The following AP1M1 variants were observed in gnomAD, a reference collection of about 807,000 sequenced individuals.
AP1M1 encodes adaptor related protein complex 1 subunit mu 1, also known as AP-1 complex subunit mu-1.
Under a neutral mutation model 57.1 loss-of-function variants are expected in AP1M1, and 18 were observed. The ratio of observed to expected loss-of-function variants is 0.32; its 90% confidence interval spans 0.22 to 0.47. The LOEUF (loss-of-function observed/expected upper bound fraction) is 0.47, where lower values mean the gene tolerates loss of function less well. AP1M1 is among the 20% of genes least tolerant of loss of function. The probability of loss-of-function intolerance (pLI) is 1.00; values close to 1 mark genes in which losing one functional copy is unlikely to be tolerated. For missense variants in AP1M1, 362 were observed against 593.5 expected, an observed-to-expected ratio of 0.61 and a Z score of 4.05; for synonymous variants, 241 against 237.9, an observed-to-expected ratio of 1.01 and a Z score of -0.12.
chr19:16,215,214 A>AGGGGGGGGGGGGGGGGGGGGGGGG (rs1262651842), intron 5 of AP1M1, among the ~76,000 whole-genome samples: 2 of 2,576 alleles, frequency 7.8e-4, no homozygotes, highest in Non-Finnish European at 1.7e-3. Flanking sequence ...GGGGGGGGAG[A>AGGGGGGGGGGGGGGGGGGGGGGGG]GGGGGGAGGG....
Position 16,234,501 on chromosome 19 carries a change from C to T in AP1M1, c.*66C>T, listed in dbSNP as rs535215936. ...TGGCAGCACCAGGGGACACACCTGC[C>T]AAACCCACCAGATGGAGGGGCCCTC... is the stretch of plus-strand genomic sequence containing the variant. On this transcript the variant is annotated 3_prime_UTR_variant, in exon 12 of 12. Coordinates refer to ENST00000291439, the MANE Select transcript of AP1M1 (RefSeq NM_032493.4). 3.1e-6 allele frequency: 5 copies of T among 1,600,494 alleles called. No individual in the cohort carries two copies. The highest frequency in any genetic ancestry group is 4.3e-6 in the Non-Finnish European group (5 of 1,172,286).
At chr19:16,216,735 C>G (rs187976496) in intron 5 of AP1M1, among the ~76,000 whole-genome samples, 1 of 152,316 alleles carries the variant, frequency 6.6e-6, no homozygotes, top group East Asian at 1.9e-4. Flanking sequence ...ACTGCATGCT[C>G]TAACTCTGGA....
rs116526824 is a variant in AP1M1 at position 16,235,118 on chromosome 19, G to C, written c.*683G>C. 6.6e-6 allele frequency: 1 copy of C among 152,402 alleles called. No homozygotes were observed. The highest frequency in any genetic ancestry group is 1.9e-4 in the East Asian group (1 of 5,176). The allele number at this position is 152,402 out of a possible 1,614,324, so 9.4% of individuals were successfully genotyped here. On this transcript the variant is annotated 3_prime_UTR_variant, in exon 12 of 12. Transcript: ENST00000291439. ...TGGACTCGCAGGCCTCGCCTGTGGCGCCTTCCCAGGGCCAGCCTGGGTCAC... is the reference window on the plus strand; with the variant it reads ...TGGACTCGCAGGCCTCGCCTGTGGCCCCTTCCCAGGGCCAGCCTGGGTCAC...
In AP1M1 at chr19:16,207,127, G is replaced by A. The variant is rs985887704; in HGVS notation, c.267+719G>A. Among the ~76,000 whole-genome samples, 13 of 152,194 alleles carry A rather than the reference G, an allele frequency of 8.5e-5. No homozygotes were observed. Among genetic ancestry groups the A allele is most frequent in the African/African-American group, 1.9e-4 (8 of 41,450 alleles). On this transcript the variant is annotated intron_variant, in intron 3 of 11. Transcript: ENST00000291439. This position sits in a 1 kb window ranked among gnomAD's most constrained non-coding sequence, Gnocchi z 4.2. Reference sequence around the variant, plus strand: ...GTGAGGAGGCTGCTGCTGGCTTCCCGGAGAGGATGGGCCTGGCCGAGGTGG... The same window carrying A: ...GTGAGGAGGCTGCTGCTGGCTTCCCAGAGAGGATGGGCCTGGCCGAGGTGG...
chr19:16,228,643 G>A lies in AP1M1; in HGVS notation c.889-127G>A. 1 of 1,010,490 alleles carries A rather than the reference G, an allele frequency of 9.9e-7. No individual in the cohort carries two copies. The highest frequency in any genetic ancestry group is 1.5e-6 in the Non-Finnish European group (1 of 685,366). The allele number at this position is 1,010,490 out of a possible 1,614,324, so 62.6% of individuals were successfully genotyped here. ...CAGGAGAAGGGGTGGGTAGTGCCTGGAGAAGTGGGGCCAGGGGCGGGGCTA... is the reference window on the plus strand; with the variant it reads ...CAGGAGAAGGGGTGGGTAGTGCCTGAAGAAGTGGGGCCAGGGGCGGGGCTA... On this transcript the variant is annotated intron_variant, in intron 8 of 11. Coordinates refer to ENST00000291439, the MANE Select transcript of AP1M1 (RefSeq NM_032493.4). The surrounding 1 kb of genome is among the most constrained non-coding windows in gnomAD (Gnocchi z 5.0).
At position 16,209,063 on chromosome 19, in the gene AP1M1, A is replaced by G. The variant is rs773057955; in HGVS notation, c.432A>G (p.Thr144=). The part of the protein sequence containing the change: ...YITQEGHKLE[T]GAPRPPATVT... ...CTCAGGAAGGCCACAAGCTGGAAACAGGGGCCCCGCGGCCACCAGCCACCG... is the reference window on the plus strand; with the variant it reads ...CTCAGGAAGGCCACAAGCTGGAAACGGGGGCCCCGCGGCCACCAGCCACCG... Residue 144 remains threonine, a synonymous_variant, in exon 5 of 12, where the codon ACA becomes ACG. Transcript: ENST00000291439. The G allele has an allele frequency of 4.3e-6, 7 of 1,613,946 alleles. No individual in the cohort carries two copies. In the East Asian group the frequency reaches 6.7e-5, roughly 15 times the overall value.
chr19:16,234,464 C>T lies in AP1M1; in HGVS notation c.*29C>T, dbSNP rs546425522. 2.0e-5 allele frequency: 33 copies of T among 1,613,042 alleles called. No homozygotes were observed. The South Asian group carries it at 2.6e-4, about 13-fold the overall frequency. ...GCTGTCGCAGCCAACACCCCGGCCT[C>T]GGGGCTCCTGGTGGCAGCACCAGGG... On this transcript the variant is annotated 3_prime_UTR_variant, in exon 12 of 12. Transcript: ENST00000291439.
At chr19:16,209,511 T>C (rs1187849103) in intron 5 of AP1M1, among the ~76,000 whole-genome samples, 1 of 152,204 alleles carries the variant, frequency 6.6e-6, no homozygotes, top group Non-Finnish European at 1.5e-5. Flanking sequence ...TTGTTTTCTT[T>C]ATTAGCATTT....
chr19:16,233,571 A>C lies in AP1M1; in HGVS notation c.1126A>C (p.Ile376Leu), dbSNP rs1568356706. The change falls in exon 10 of 12, where the codon ATC becomes CTC. Residue 376 changes from isoleucine to leucine, a missense_variant. Coordinates refer to ENST00000291439, the MANE Select transcript of AP1M1 (RefSeq NM_032493.4). ...CGAAGACAAGGAGGGCAAGCCCCCG[A>C]TCAGTGTCAAGTTCGAGATCCCTTA... is the stretch of plus-strand genomic sequence containing the variant. Reference protein sequence around the residue: ...EAEDKEGKPPISVKFEIPYFT... With the variant: ...EAEDKEGKPPLSVKFEIPYFT... 1 of 1,610,568 alleles carries C rather than the reference A, an allele frequency of 6.2e-7. No homozygotes were observed. Among genetic ancestry groups the C allele is most frequent in the Non-Finnish European group, 8.5e-7 (1 of 1,178,696 alleles).
Position 16,228,066 on chromosome 19 carries a change from G to T in AP1M1, c.817-71G>T. 1.3e-6 allele frequency: 2 copies of T among 1,499,420 alleles called. No homozygotes were observed. The highest frequency in any genetic ancestry group is 9.2e-7 in the Non-Finnish European group (1 of 1,084,272). 92.9% of individuals were successfully genotyped at this position (1,499,420 alleles called of 1,614,324 possible). A position where few individuals can be genotyped will look rare whatever the true frequency, so the allele number is the denominator to read the frequency against. The stretch of plus-strand genomic sequence containing the variant: ...CAGATGGTCCCTTGCCCTGGGCCTT[G>T]GTTTCCCCTCTGAAATGGGCCTTTG... On this transcript the variant is annotated intron_variant, in intron 7 of 11. Transcript: ENST00000291439. The surrounding 1 kb of genome is among the most constrained non-coding windows in gnomAD (Gnocchi z 5.0).
chr19:16,233,473 C>T lies in AP1M1; in HGVS notation c.1048-20C>T. 1.3e-6 allele frequency: 2 copies of T among 1,582,322 alleles called. No individual in the cohort carries two copies. The highest frequency in any genetic ancestry group is 1.7e-6 in the Non-Finnish European group (2 of 1,165,588). On this transcript the variant is annotated intron_variant, in intron 9 of 11. Transcript: ENST00000291439. ...TGGGGCAGGGCCTAGGCCTGAGCGC[C>T]TCCCCCGTCTGCTCCCCAGGGCGGC...
chr19:16,215,529 G>C (rs2145125897), intron 5 of AP1M1, among the ~76,000 whole-genome samples: 1 of 143,982 alleles, frequency 6.9e-6, no homozygotes, highest in Middle Eastern at 3.7e-3. Context: ...CTTCTGGCTT[G>C]TAGGGTTTCT....
rs2091578820 is a variant in AP1M1 at position 16,228,038 on chromosome 19, G to A, written c.817-99G>A. 7.9e-7 allele frequency: 1 copy of A among 1,258,976 alleles called. No individual in the cohort carries two copies. The highest frequency in any genetic ancestry group is 1.1e-6 in the Non-Finnish European group (1 of 880,736). The allele number at this position is 1,258,976 out of a possible 1,614,324, so 78.0% of individuals were successfully genotyped here. ...CCTGCAGGGCTCTGGGCCCACACCT[G>A]GGCAGATGGTCCCTTGCCCTGGGCC... On this transcript the variant is annotated intron_variant, in intron 7 of 11. Coordinates refer to ENST00000291439, the MANE Select transcript of AP1M1 (RefSeq NM_032493.4). The surrounding 1 kb of genome is among the most constrained non-coding windows in gnomAD (Gnocchi z 5.0).
chr19:16,209,522 A>G (rs1044942683), intron 5 of AP1M1, among the ~76,000 whole-genome samples: 18 of 152,150 alleles, frequency 1.2e-4, no homozygotes, highest in African/African-American at 4.1e-4. Context: ...ATTAGCATTT[A>G]TGCTGACTGA....
Position 16,207,891 on chromosome 19 carries a change from C to T in AP1M1, c.268-128C>T, listed in dbSNP as rs1306410660. 14 of 1,270,190 alleles carry T rather than the reference C, an allele frequency of 1.1e-5. No homozygotes were observed. The highest frequency in any genetic ancestry group is 4.3e-5 in the Admixed American group (2 of 46,532). The allele number at this position is 1,270,190 out of a possible 1,614,324, so 78.7% of individuals were successfully genotyped here. A position where few individuals can be genotyped will look rare whatever the true frequency, so the allele number is the denominator to read the frequency against. On this transcript the variant is annotated intron_variant, in intron 3 of 11. Coordinates refer to ENST00000291439, the MANE Select transcript of AP1M1 (RefSeq NM_032493.4). This position sits in a 1 kb window ranked among gnomAD's most constrained non-coding sequence, Gnocchi z 4.2. ...GGTCCAGGGCCCTGTAGCACACCAC[C>T]GAGCCTGGGAAGTAGGCTGTTGGTA...
chr19:16,242,327 TAAAG>T lies in AP1M1; in HGVS notation c.*7893_*7896del, dbSNP rs2145151989. On this transcript the variant is annotated 3_prime_UTR_variant, in exon 12 of 12. Transcript: ENST00000291439. ...CCTGCCTCAAAAAAAAAAAATAAAA[TAAAG>T]GAAAAATCAGGATAAATGCAGGGAT... 1 of 151,246 alleles carries T rather than the reference TAAAG, an allele frequency of 6.6e-6. No individual in the cohort carries two copies. Among genetic ancestry groups the T allele is most frequent in the South Asian group, 2.1e-4 (1 of 4,802 alleles). 9.4% of individuals were successfully genotyped at this position (151,246 alleles called of 1,614,324 possible). A position where few individuals can be genotyped will look rare whatever the true frequency, so the allele number is the denominator to read the frequency against.
Position 16,226,469 on chromosome 19 carries a change from A to G in AP1M1, c.595A>G (p.Lys199Glu). ...GCGCAGCGAGATCGTGGGCTCCATCAAGATGCGAGTCTTCCTCTCGGGCAT... is the reference window on the plus strand; with the variant it reads ...GCGCAGCGAGATCGTGGGCTCCATCGAGATGCGAGTCTTCCTCTCGGGCAT... ...VLRSEIVGSI[K>E]MRVFLSGMPE... The change falls in exon 6 of 12, where the codon AAG (lysine) becomes GAG (glutamate). Residue 199 changes from lysine (K) to glutamate (E), a missense_variant. This residue lies in a region of AP1M1 where 337 missense variants were observed against 511.1 expected (regional missense o/e 0.66). Coordinates refer to ENST00000291439, the MANE Select transcript of AP1M1 (RefSeq NM_032493.4). The G allele has an allele frequency of 6.3e-7, 1 of 1,579,442 alleles. No individual in the cohort carries two copies. Among genetic ancestry groups the G allele is most frequent in the Non-Finnish European group, 8.6e-7 (1 of 1,163,396 alleles).
rs2091474937 is a variant in AP1M1, at chr19:16,207,661, G to A, written c.268-358G>A. On this transcript the variant is annotated intron_variant, in intron 3 of 11. Transcript: ENST00000291439. This position sits in a 1 kb window ranked among gnomAD's most constrained non-coding sequence, Gnocchi z 4.2. ...GCTTTCCACTGAAATGGGGAAGATG[G>A]CAGCTCATCAGGTCCTTGCCTGAGT... is the stretch of plus-strand genomic sequence containing the variant. Among the ~76,000 whole-genome samples, 1 of 152,168 alleles carries A rather than the reference G, an allele frequency of 6.6e-6. No individual in the cohort carries two copies. The highest frequency in any genetic ancestry group is 6.5e-5 in the Admixed American group (1 of 15,278).
chr19:16,217,901 C>A (rs1007766749), intron 5 of AP1M1, among the ~76,000 whole-genome samples: 10 of 152,136 alleles, frequency 6.6e-5, no homozygotes, highest in African/African-American at 2.4e-4. Context: ...GGACACCAGA[C>A]CAAATTGAGG....
Sources: allele counts gnomAD v4.1 joint callset (sites outside exome capture counted in the v4.1 genomes callset), GRCh38; gene constraint gnomAD v4.1.1; regional missense constraint gnomAD v4.1.1; non-coding constraint Gnocchi (gnomAD v3.1); transcripts MANE v1.5; gene names NCBI Gene and HGNC (gene_info 2026-07-23, HGNC 2026-07-21).